The following UNC79 variants were observed in gnomAD, a reference collection of about 807,000 sequenced individuals.
The protein encoded by UNC79 is unc-79 subunit of NALCN channel complex.
A neutral mutation model predicts 283.1 loss-of-function variants in UNC79; 37 were observed. That is an observed-to-expected ratio of 0.13 (90% confidence interval 0.10 to 0.17). UNC79 has a LOEUF of 0.17. Among genes scored for constraint, UNC79 ranks in the 10% least tolerant of loss-of-function variants. The pLI is 1.00. For missense variants in UNC79, 2,272 were observed against 3,211.1 expected, an observed-to-expected ratio of 0.71 and a Z score of 7.07; for synonymous variants, 1,107 against 1,200.2, an observed-to-expected ratio of 0.92 and a Z score of 1.61.
At chr14:93,476,291 G>T (rs2057795316) in intron 3 of UNC79, among the ~76,000 whole-genome samples, 1 of 152,138 alleles carries the variant, frequency 6.6e-6, no homozygotes, top group Non-Finnish European at 1.5e-5. Flanking sequence ...AGGTGATCCT[G>T]AACAATCACC....
At chr14:93,570,538 C>T (rs1566672998) in intron 14 of UNC79, among the ~76,000 whole-genome samples, 1 of 152,222 alleles carries the variant, frequency 6.6e-6, no homozygotes, top group African/African-American at 2.4e-5. Flanking sequence ...CAGCCTTCCC[C>T]TGGGCCATGT....
chr14:93,532,717 T>C, intron 11 of UNC79, 139 bp downstream of exon 11: 1 of 993,024 alleles, frequency 1.0e-6, no homozygotes, highest in Admixed American at 2.5e-5. Flanking sequence ...GTAAAGGAAA[T>C]AATTTAGCAT....
chr14:93,370,687 ACT>A (rs2139964189), intron 1 of UNC79, among the ~76,000 whole-genome samples: 1 of 152,098 alleles, frequency 6.6e-6, no homozygotes, highest in African/African-American at 2.4e-5. Context: ...CAGGAGAATC[ACT>A]TGAACCCGGG....
chr14:93,343,564 A>G (rs2053759831), intron 1 of UNC79, among the ~76,000 whole-genome samples: 1 of 151,998 alleles, frequency 6.6e-6, no homozygotes, highest in Non-Finnish European at 1.5e-5. Context: ...CCTATTTTTC[A>G]GAGACTTTTG....
intron 1 of UNC79, among the ~76,000 whole-genome samples, chr14:93,359,626 A>G (rs1435492927): frequency 7.3e-6 from 1 of 136,514 alleles, no homozygotes; most frequent in Non-Finnish European, 1.6e-5. Flanking sequence ...GGCTAAGTAC[A>G]TTGTTCCTAG....
chr14:93,697,503 G>A (rs1274677004), intron 47 of UNC79, among the ~76,000 whole-genome samples: 1 of 152,068 alleles, frequency 6.6e-6, no homozygotes, highest in Admixed American at 6.6e-5. Flanking sequence ...ATTGAAATCA[G>A]GTAGTGTCAG....
At chr14:93,351,520 C>A (rs1317086601) in intron 1 of UNC79, among the ~76,000 whole-genome samples, 1 of 152,134 alleles carries the variant, frequency 6.6e-6, no homozygotes, top group African/African-American at 2.4e-5. Context: ...TATGTGAGGT[C>A]AGTATACCCC....
intron 8 of UNC79, among the ~76,000 whole-genome samples, chr14:93,526,551 T>C (rs1216896972): frequency 6.6e-6 from 1 of 152,158 alleles, no homozygotes; most frequent in East Asian, 1.9e-4. Context: ...TTTCCCTTTC[T>C]CGGTTTTCCA....
At chr14:93,704,178 G>A (rs963051188) in intron 47 of UNC79, among the ~76,000 whole-genome samples, 1 of 152,150 alleles carries the variant, frequency 6.6e-6, no homozygotes, top group Non-Finnish European at 1.5e-5. Flanking sequence ...ATCTTGGAGT[G>A]GTCTTTCTCG....
chr14:93,414,299 C>G (rs1458774825), intron 1 of UNC79, among the ~76,000 whole-genome samples: 1 of 152,166 alleles, frequency 6.6e-6, no homozygotes, highest in Non-Finnish European at 1.5e-5. Context: ...TTCCCCATTT[C>G]TTGTTTTTCT....
intron 1 of UNC79, among the ~76,000 whole-genome samples, chr14:93,404,492 AAATAT>A (rs1225201016): frequency 1.0e-5 from 1 of 96,046 alleles, no homozygotes; most frequent in Non-Finnish European, 2.2e-5. Flanking sequence ...CTTCTAAAAA[AAATAT>A]ATATATATAT....
At chr14:93,336,076 C>T (rs554187960) in intron 1 of UNC79, among the ~76,000 whole-genome samples, 47 of 152,152 alleles carry the variant, frequency 3.1e-4, no homozygotes, top group African/African-American at 1.0e-3. Context: ...TCCTTTGTAC[C>T]CCCCTTTTTT....
intron 47 of UNC79, among the ~76,000 whole-genome samples, chr14:93,704,320 T>C (rs981861914): frequency 6.6e-6 from 1 of 152,236 alleles, no homozygotes; most frequent in African/African-American, 2.4e-5. Flanking sequence ...AAAGTGAGGA[T>C]TTAATTAAAT....
At chr14:93,641,315 A>G in intron 33 of UNC79, 68 bp downstream of exon 36, 1 of 1,447,396 alleles carries the variant, frequency 6.9e-7, no homozygotes, top group Non-Finnish European at 9.5e-7. Flanking sequence ...CAGTGGTGAG[A>G]AAGTTTCAGA....
chr14:93,615,237 C>G (rs2066611977), intron 27 of UNC79, among the ~76,000 whole-genome samples: 1 of 152,114 alleles, frequency 6.6e-6, no homozygotes, highest in African/African-American at 2.4e-5. Context: ...TCAATTAGCT[C>G]AAATAGATTG....
chr14:93,442,427 A>G (rs1374475490), intron 1 of UNC79, among the ~76,000 whole-genome samples: 1 of 152,064 alleles, frequency 6.6e-6, no homozygotes, highest in Non-Finnish European at 1.5e-5. Context: ...TTACCCACAC[A>G]ATATACCTTT....
At chr14:93,363,892 T>C (rs1431023481) in intron 1 of UNC79, among the ~76,000 whole-genome samples, 1 of 152,104 alleles carries the variant, frequency 6.6e-6, no homozygotes, top group African/African-American at 2.4e-5. Context: ...CTAATTTTTT[T>C]TGTATTTTTA....
intron 1 of UNC79, among the ~76,000 whole-genome samples, chr14:93,333,714 T>C (rs1465440317): frequency 6.6e-6 from 1 of 152,174 alleles, no homozygotes; most frequent in Non-Finnish European, 1.5e-5. Context: ...TGCCCCTTGT[T>C]TGGGGGTTTG....
intron 1 of UNC79, among the ~76,000 whole-genome samples, chr14:93,359,341 C>T (rs1410678220): frequency 6.6e-6 from 1 of 152,156 alleles, no homozygotes; most frequent in Non-Finnish European, 1.5e-5. Flanking sequence ...AAGGTATACC[C>T]TTGACCAATG....
Sources: allele counts gnomAD v4.1 joint callset (sites outside exome capture counted in the v4.1 genomes callset), GRCh38; gene constraint gnomAD v4.1.1; transcripts MANE v1.5; gene names NCBI Gene and HGNC (gene_info 2026-07-23, HGNC 2026-07-21).